Variants in XYLT1 observed in about 807,000 individuals in gnomAD.
XYLT1 encodes the protein xylosyltransferase 1, also known as beta-D-xylosyltransferase 1.
In XYLT1, 36 loss-of-function variants were observed where a neutral mutation model predicts 91.3. The ratio of observed to expected loss-of-function variants is 0.39; its 90% CI spans 0.30 to 0.52. The LOEUF is 0.52. XYLT1 is among the 20% of genes least tolerant of loss of function. The pLI is 0.68. For missense variants in XYLT1, 1,242 were observed against 1,284.5 expected (o/e 0.97, Z 0.51); for synonymous variants, 588 against 532.0 (o/e 1.11, Z -1.45).
At chr16:17,367,262 C>T (rs766362090) in intron 1 of XYLT1, among the ~76,000 whole-genome samples, 25 of 152,186 alleles carry the variant, frequency 1.6e-4, no homozygotes, top group Non-Finnish European at 3.2e-4. Context: ...AGACCTGCCA[C>T]GTGCCAAGAA....
chr16:17,428,939 T>C (rs1236941036), intron 1 of XYLT1, among the ~76,000 whole-genome samples: 2 of 152,058 alleles, frequency 1.3e-5, no homozygotes, highest in Non-Finnish European at 2.9e-5. Context: ...TGCCTCCCCA[T>C]AGGGATCAGG....
chr16:17,447,166 C>T lies in XYLT1; in HGVS notation c.363+23268G>A, dbSNP rs572581701. On this transcript the variant is annotated intron_variant, in intron 1 of 11. Transcript: ENST00000261381. The stretch of plus-strand genomic sequence containing the variant: ...CTGGACTCTGCCCAACAGCCCTGCT[C>T]TAAACCAAGCGGCCTGCTATTTATT... 3.9e-5 allele frequency among the ~76,000 whole-genome samples: 6 copies of T among 152,346 alleles called. No individual in the cohort carries two copies. The East Asian group carries it at 7.7e-4, about 20-fold the overall frequency.
chr16:17,344,828 G>A (rs1374807961), intron 2 of XYLT1, among the ~76,000 whole-genome samples: 4 of 151,818 alleles, frequency 2.6e-5, no homozygotes, highest in African/African-American at 4.8e-5. Flanking sequence ...AGCCTCCCGA[G>A]TAGCTGGGAC....
chr16:17,418,457 G>A (rs72640434), intron 1 of XYLT1, among the ~76,000 whole-genome samples: 2 of 152,124 alleles, frequency 1.3e-5, no homozygotes, highest in African/African-American at 4.8e-5. Context: ...ATGCAGGTTT[G>A]GGAGGAAGAA....
intron 1 of XYLT1, among the ~76,000 whole-genome samples, chr16:17,399,424 G>T (rs561597939): frequency 6.6e-6 from 1 of 152,254 alleles, no homozygotes; most frequent in Non-Finnish European, 1.5e-5. Flanking sequence ...CTGAGAGCAG[G>T]AGGGAAGCCC....
At chr16:17,285,935 TGAGTGAGAGAGAGAGA>T (rs2034133492) in intron 2 of XYLT1, among the ~76,000 whole-genome samples, 1 of 146,756 alleles carries the variant, frequency 6.8e-6, no homozygotes, top group Non-Finnish European at 1.5e-5. Context: ...TGTGTGTGAG[TGAGTGAGAGAGAGAGA>T]GAAAGAGAGA....
At chr16:17,365,021 C>G (rs1450716797) in intron 1 of XYLT1, among the ~76,000 whole-genome samples, 3 of 152,148 alleles carry the variant, frequency 2.0e-5, no homozygotes, top group African/African-American at 7.2e-5. Flanking sequence ...ACAAAGAATA[C>G]GATTCCTGCC....
intron 1 of XYLT1, among the ~76,000 whole-genome samples, chr16:17,387,662 A>G (rs2035763566): frequency 6.6e-6 from 1 of 150,898 alleles, no homozygotes; most frequent in Non-Finnish European, 1.5e-5. Context: ...CCCTCCCTGG[A>G]CTCTCCCACC....
chr16:17,175,114 C>T (rs907692491), intron 5 of XYLT1, among the ~76,000 whole-genome samples: 9 of 152,080 alleles, frequency 5.9e-5, no homozygotes, highest in African/African-American at 2.2e-4. Context: ...TTTTATGCCA[C>T]AATAAAAATA....
intron 5 of XYLT1, among the ~76,000 whole-genome samples, chr16:17,187,940 C>G (rs1290419547): frequency 6.6e-6 from 1 of 152,118 alleles, no homozygotes; most frequent in African/African-American, 2.4e-5. Context: ...ATCCTTGCAT[C>G]TCACGCTTGC....
At chr16:17,393,361 T>C (rs2035844028) in intron 1 of XYLT1, among the ~76,000 whole-genome samples, 1 of 152,210 alleles carries the variant, frequency 6.6e-6, no homozygotes, top group Non-Finnish European at 1.5e-5. Flanking sequence ...ATGGATAAAC[T>C]GTGGAGTGGT....
rs10684824 is a variant in XYLT1, at chr16:17,376,827, CAAAAAAAAAAAAAAA to C, written c.364-18792_364-18778del. 3.6e-4 allele frequency among the ~76,000 whole-genome samples: 20 copies of C among 55,666 alleles called. No homozygotes were observed. In the East Asian group the frequency reaches 0.012, roughly 34 times the overall value. The allele number at this position is 55,666 out of a possible 152,430, so 36.5% of individuals were successfully genotyped here. ...GAGCAACAAGAGCAAAACTCTGTCT[CAAAAAAAAAAAAAAA>C]AAAAAAAAAAATAGGGACCAAATGA... On this transcript the variant is annotated intron_variant, in intron 1 of 11. Transcript: ENST00000261381.
rs78807628 is a variant in XYLT1 at position 17,263,056 on chromosome 16, G to A, written c.403-3558C>T. Among the ~76,000 whole-genome samples the A allele has an allele frequency of 4.0e-3, 615 of 152,232 alleles. 7 individuals are homozygous for A. Among genetic ancestry groups the A allele is most frequent in the African/African-American group, 0.014 (595 of 41,548 alleles). ...GAAATGTCTAAAGGGCAGGGAGTAAGCCAGAAGAGCTACTGCCCTGATGGA... is the reference window on the plus strand; with the variant it reads ...GAAATGTCTAAAGGGCAGGGAGTAAACCAGAAGAGCTACTGCCCTGATGGA... On this transcript the variant is annotated intron_variant, in intron 2 of 11. Coordinates refer to ENST00000261381, the MANE Select transcript of XYLT1 (RefSeq NM_022166.4).
At chr16:17,271,990 C>T (rs778238365) in intron 2 of XYLT1, among the ~76,000 whole-genome samples, 3 of 152,060 alleles carry the variant, frequency 2.0e-5, no homozygotes, top group Admixed American at 6.6e-5. Flanking sequence ...AGGGAGGAGG[C>T]TGGCTGGGGT....
intron 1 of XYLT1, among the ~76,000 whole-genome samples, chr16:17,368,804 G>C (rs916341754): frequency 6.6e-6 from 1 of 151,974 alleles, no homozygotes; most frequent in Non-Finnish European, 1.5e-5. Flanking sequence ...GGCTGGTCTT[G>C]AACTCCTGGT....
At chr16:17,417,441 T>C (rs550858548) in intron 1 of XYLT1, among the ~76,000 whole-genome samples, 2 of 152,230 alleles carry the variant, frequency 1.3e-5, no homozygotes, top group South Asian at 4.1e-4. Context: ...CCTGGATTAC[T>C]CTGACCTCCC....
At chr16:17,139,497 T>A (rs774692121) in intron 7 of XYLT1, among the ~76,000 whole-genome samples, 2 of 152,064 alleles carry the variant, frequency 1.3e-5, no homozygotes, top group Non-Finnish European at 2.9e-5. Context: ...GGCGTCTTGA[T>A]TAAAAATAGC....
intron 3 of XYLT1, among the ~76,000 whole-genome samples, chr16:17,246,734 T>C (rs2033440867): frequency 6.6e-6 from 1 of 152,198 alleles, no homozygotes; most frequent in East Asian, 1.9e-4. Context: ...GGTTCTCGTG[T>C]CCTAGCCCCG....
intron 1 of XYLT1, among the ~76,000 whole-genome samples, chr16:17,381,166 G>A (rs1447893180): frequency 1.3e-5 from 2 of 152,126 alleles, no homozygotes; most frequent in Non-Finnish European, 2.9e-5. Context: ...GTTTGCCTGT[G>A]GATGGGGTTT....
Sources: allele counts gnomAD v4.1 joint callset (sites outside exome capture counted in the v4.1 genomes callset), GRCh38; gene constraint gnomAD v4.1.1; transcripts MANE v1.5; gene names NCBI Gene and HGNC (gene_info 2026-07-23, HGNC 2026-07-21).